The following SAMD9 variants were observed in gnomAD, a reference collection of about 807,000 sequenced individuals.
SAMD9 encodes sterile alpha motif domain containing 9.
SAMD9 carries 3 observed loss-of-function variants against 1.5 expected under a neutral mutation model. The observed-to-expected ratio is 2.05, with a 90% CI of 0.93 to 5.29. The LOEUF is 5.29. Among genes scored for constraint, SAMD9 ranks in the 30% most tolerant of loss-of-function variants. SAMD9 has a pLI of 0.02. For missense variants in SAMD9, 1,597 were observed against 1,820.8 expected (o/e 0.88, Z 2.24); for synonymous variants, 635 against 631.9 (o/e 1.00, Z -0.07).
In SAMD9 at chr7:93,103,292, A is replaced by G; in HGVS notation, c.2806T>C (p.Ser936Pro). The change falls in exon 3 of 3, where the codon TCA becomes CCA. Residue 936 changes from serine to proline, a missense_variant. Transcript: ENST00000379958. ...ATTCCTAAGAATTTTTCACACTGTG[A>G]TAGTGAAATGGTGGTATCAGGCACA... ...SYVPDTTISL[S>P]QCEKFLGIGN... 3 of 1,613,682 alleles carry G rather than the reference A, an allele frequency of 1.9e-6. No homozygotes were observed. Among genetic ancestry groups the G allele is most frequent in the African/African-American group, 1.3e-5 (1 of 75,022 alleles).
At chr7:93,110,791 C>G (rs557065956) in intron 2 of SAMD9, among the ~76,000 whole-genome samples, 3 of 152,246 alleles carry the variant, frequency 2.0e-5, no homozygotes, top group South Asian at 2.1e-4. Flanking sequence ...TACAGGAGCA[C>G]CCAGATTCAT....
Position 93,116,302 on chromosome 7 carries a change from G to A in SAMD9, c.-109-1407C>T, listed in dbSNP as rs545029708. On this transcript the variant is annotated intron_variant, in intron 1 of 2. Transcript: ENST00000379958. ...ACTACATACCATTATATGTGAAAAC[G>A]TAAAGTCAGGTTCTCATATAAGAGT... is the stretch of plus-strand genomic sequence containing the variant. Among the ~76,000 whole-genome samples the A allele has an allele frequency of 2.6e-5, 4 of 152,304 alleles. No individual in the cohort carries two copies. The South Asian group carries it at 8.3e-4, about 32-fold the overall frequency.
chr7:93,113,771 T>C (rs1791787061), intron 2 of SAMD9, among the ~76,000 whole-genome samples: 3 of 151,952 alleles, frequency 2.0e-5, no homozygotes, highest in Non-Finnish European at 4.4e-5. Context: ...CCAGTTAGAA[T>C]GGGGGATCAT....
rs189893807 is a variant in SAMD9, at chr7:93,105,726, A to C, written c.372T>G (p.Asn124Lys). The change falls in exon 3 of 3, where the codon AAT (asparagine) becomes AAG (lysine). Residue 124 changes from asparagine to lysine, a missense_variant. Physicochemically the swap from Asn to Lys is moderately conservative, Grantham distance 94. Transcript: ENST00000379958. ...QKGKENPDMA[N>K]PSAMSTTAKG... ...TAGCAGTTGTACTCATTGCAGACGG[A>C]TTAGCCATATCTGGGTTCTCTTTAC... 1 of 1,613,994 alleles carries C rather than the reference A, an allele frequency of 6.2e-7. No homozygotes were observed. Among genetic ancestry groups the C allele is most frequent in the Non-Finnish European group, 8.5e-7 (1 of 1,179,988 alleles).
At chr7:93,116,634 C>T (rs1415795198) in intron 1 of SAMD9, among the ~76,000 whole-genome samples, 4 of 152,244 alleles carry the variant, frequency 2.6e-5, no homozygotes, top group Middle Eastern at 6.8e-3. Context: ...TATACCCTCT[C>T]GTTCCAAAAT....
In SAMD9 at chr7:93,103,703, C is replaced by G; in HGVS notation, c.2395G>C (p.Asp799His). 6.2e-7 allele frequency: 1 copy of G among 1,613,816 alleles called. No homozygotes were observed. ...QEYVPVLLLV[D>H]DFEEQDNVYL... Reference sequence around the variant, plus strand: ...ACATTATCTTGTTCTTCAAAATCATCAACAAGGAGTAGTACAGGTACGTAT... The same window carrying G: ...ACATTATCTTGTTCTTCAAAATCATGAACAAGGAGTAGTACAGGTACGTAT... The change falls in exon 3 of 3, where the codon GAT becomes CAT. Residue 799 changes from aspartate to histidine, a missense_variant. This residue lies in a region of SAMD9 where 358 missense variants were observed against 460.4 expected (regional missense o/e 0.78). Coordinates refer to ENST00000379958, the MANE Select transcript of SAMD9 (RefSeq NM_017654.4).
In SAMD9 at chr7:93,113,059, C is replaced by A. The variant is rs1439190367; in HGVS notation, c.-9+1736G>T. On this transcript the variant is annotated intron_variant, in intron 2 of 2. Transcript: ENST00000379958. Reference sequence around the variant, plus strand: ...TGCTACCTGATTTCAAACTATACTACAAGGCTACAGTAACCAAAACAGCAT... The same window carrying A: ...TGCTACCTGATTTCAAACTATACTAAAAGGCTACAGTAACCAAAACAGCAT... Among the ~76,000 whole-genome samples, 3 of 152,274 alleles carry A rather than the reference C, an allele frequency of 2.0e-5. No homozygotes were observed. The East Asian group carries it at 5.8e-4, about 29-fold the overall frequency.
intron 2 of SAMD9, among the ~76,000 whole-genome samples, chr7:93,113,127 C>T (rs553549796): frequency 6.6e-6 from 1 of 152,096 alleles, no homozygotes; most frequent in Non-Finnish European, 1.5e-5. Flanking sequence ...TGGAACAGAA[C>T]AGAGTCCTCA....
At position 93,102,697 on chromosome 7, in the gene SAMD9, C is replaced by T. The variant is rs1360621625; in HGVS notation, c.3401G>A (p.Trp1134Ter). ...GQVYKSKIRW[W>*]IEENGGNGNI... is the part of the protein sequence containing the mutation. ...CCCGTTTCCTCCGTTTTCCTCTATC[C>T]ACCATCTTATTTTACTTTTGTAGAC... The change falls in exon 3 of 3, where the codon TGG becomes TAG. Residue 1134 changes from tryptophan to a stop codon, truncating the protein, a stop_gained. Coordinates refer to ENST00000379958, the MANE Select transcript of SAMD9 (RefSeq NM_017654.4). LOFTEE classifies it low-confidence loss of function (END_TRUNC). 1.9e-6 allele frequency: 3 copies of T among 1,613,740 alleles called. No individual in the cohort carries two copies. Among genetic ancestry groups the T allele is most frequent in the African/African-American group, 2.7e-5 (2 of 74,916 alleles).
At chr7:93,110,205 C>T (rs1052620750) in intron 2 of SAMD9, among the ~76,000 whole-genome samples, 1 of 152,126 alleles carries the variant, frequency 6.6e-6, no homozygotes, top group Non-Finnish European at 1.5e-5. Flanking sequence ...TCCAGCCAAA[C>T]TAAGCTTCAT....
chr7:93,103,409 T>C lies in SAMD9; in HGVS notation c.2689A>G (p.Ile897Val), dbSNP rs1417279425. 4 of 1,613,360 alleles carry C rather than the reference T, an allele frequency of 2.5e-6. No homozygotes were observed. Among genetic ancestry groups the C allele is most frequent in the Non-Finnish European group, 3.4e-6 (4 of 1,179,498 alleles). ...AGGATATTCCGGACCACATTTTCTA[T>C]GTATTCTTTATTAAAATTGGTTTTC... ...IMKTNFNKEY[I>V]ENVVRNILKG... Residue 897 changes from isoleucine (I) to valine (V), a missense_variant, in exon 3 of 3, where the codon ATA becomes GTA. This residue lies in a region of SAMD9 where 682 missense variants were observed against 810.0 expected (regional missense o/e 0.84). Coordinates refer to ENST00000379958, the MANE Select transcript of SAMD9 (RefSeq NM_017654.4).
rs184821046 is a variant in SAMD9, at chr7:93,101,305, C to T, written c.*23G>A. On this transcript the variant is annotated 3_prime_UTR_variant, in exon 3 of 3. Transcript: ENST00000379958. ...ATTAAATGGGTACTGAGATCAAATT[C>T]TTGGAGGAAGAATATCAGGCTCTTA... 1.4e-5 allele frequency: 23 copies of T among 1,596,570 alleles called. No homozygotes were observed. Among genetic ancestry groups the T allele is most frequent in the African/African-American group, 1.3e-4 (10 of 74,790 alleles).
chr7:93,111,020 A>G lies in SAMD9; in HGVS notation c.-9+3775T>C, dbSNP rs189896102. 4.6e-5 allele frequency among the ~76,000 whole-genome samples: 7 copies of G among 152,352 alleles called. No homozygotes were observed. In the South Asian group the frequency reaches 6.2e-4, roughly 14 times the overall value. ...GAATATACATTCTTCTCAGCACCACATCGCACTTATTTCAAAATTGACCAC... is the reference window on the plus strand; with the variant it reads ...GAATATACATTCTTCTCAGCACCACGTCGCACTTATTTCAAAATTGACCAC... On this transcript the variant is annotated intron_variant, in intron 2 of 2. Transcript: ENST00000379958.
At chr7:93,108,730 C>A (rs1040615815) in intron 2 of SAMD9, among the ~76,000 whole-genome samples, 3 of 152,178 alleles carry the variant, frequency 2.0e-5, no homozygotes, top group Non-Finnish European at 4.4e-5. Context: ...GATTGAACTG[C>A]AAGGCGGCAG....
At position 93,104,137 on chromosome 7, in the gene SAMD9, A is replaced by T. The variant is rs1313564165; in HGVS notation, c.1961T>A (p.Ile654Asn). Residue 654 changes from isoleucine to asparagine, a missense_variant, in exon 3 of 3, where the codon ATT becomes AAT. Physicochemically the swap from Ile to Asn is moderately radical, Grantham distance 149. This residue lies in a region of SAMD9 where 358 missense variants were observed against 460.4 expected (regional missense o/e 0.78). Coordinates refer to ENST00000379958, the MANE Select transcript of SAMD9 (RefSeq NM_017654.4). The part of the protein sequence containing the change: ...KEEDIMTALE[I>N]ICENECEGTL... ...ACCCTCACATTCATTTTCACAGATA[A>T]TTTCCAGAGCAGTCATGATATCTTC... 1.2e-6 allele frequency: 2 copies of T among 1,613,918 alleles called. No homozygotes were observed. Among genetic ancestry groups the T allele is most frequent in the Admixed American group, 3.3e-5 (2 of 60,014 alleles).
rs1384464613 is a variant in SAMD9 at position 93,101,536 on chromosome 7, T to C, written c.4562A>G (p.Glu1521Gly). The change falls in exon 3 of 3, where the codon GAA (glutamate) becomes GGA (glycine). Residue 1521 changes from glutamate to glycine, a missense_variant. This residue lies in a region of SAMD9 where 682 missense variants were observed against 810.0 expected (regional missense o/e 0.84). Transcript: ENST00000379958. ...LWQSGDVWKE[E>G]KVQELLLRLQ... The stretch of plus-strand genomic sequence containing the variant: ...ACGAAGCAAAAGTTCTTGGACTTTT[T>C]CCTCCTTCCACACATCTCCACTCTG... 6.2e-7 allele frequency: 1 copy of C among 1,613,672 alleles called. No individual in the cohort carries two copies. Among genetic ancestry groups the C allele is most frequent in the African/African-American group, 1.3e-5 (1 of 74,926 alleles).
At position 93,101,477 on chromosome 7, in the gene SAMD9, T is replaced by C. The variant is rs769695602; in HGVS notation, c.4621A>G (p.Ile1541Val). The C allele has an allele frequency of 6.2e-6, 10 of 1,613,656 alleles. No individual in the cohort carries two copies. The East Asian group carries it at 2.0e-4, about 32-fold the overall frequency. Reference sequence around the variant, plus strand: ...ATTTTTTCATTGATTCCATATTCTATATATAAACAATTGTTTTCAGCTCGA... The same window carrying C: ...ATTTTTTCATTGATTCCATATTCTACATATAAACAATTGTTTTCAGCTCGA... ...QGRAENNCLY[I>V]EYGINEKITI... The change falls in exon 3 of 3, where the codon ATA (isoleucine) becomes GTA (valine). Residue 1541 changes from isoleucine to valine, a missense_variant. Transcript: ENST00000379958.
chr7:93,114,513 G>A (rs1584260545), intron 2 of SAMD9, among the ~76,000 whole-genome samples: 1 of 151,878 alleles, frequency 6.6e-6, no homozygotes, highest in Non-Finnish European at 1.5e-5. Context: ...ATTGAAAGAA[G>A]AATAACAGAA....
At position 93,103,879 on chromosome 7, in the gene SAMD9, C is replaced by A; in HGVS notation, c.2219G>T (p.Gly740Val). ...TKIIHLYHHP[G>V]CGGTTLAMHI... ...CATAGCCAAGGTAGTTCCCCCACAG[C>A]CTGGATGATGATACAGATGAATAAT... The change falls in exon 3 of 3, where the codon GGC becomes GTC. Residue 740 changes from glycine (G) to valine (V), a missense_variant. Gly to Val is a moderately radical substitution (Grantham distance 109, BLOSUM62 -3). This residue lies in a region of SAMD9 where 358 missense variants were observed against 460.4 expected (regional missense o/e 0.78). Transcript: ENST00000379958. 3 of 1,613,948 alleles carry A rather than the reference C, an allele frequency of 1.9e-6. No individual in the cohort carries two copies. Among genetic ancestry groups the A allele is most frequent in the Non-Finnish European group, 1.7e-6 (2 of 1,179,860 alleles).
Sources: allele counts gnomAD v4.1 joint callset (sites outside exome capture counted in the v4.1 genomes callset), GRCh38; gene constraint gnomAD v4.1.1; regional missense constraint gnomAD v4.1.1; transcripts MANE v1.5; gene names NCBI Gene and HGNC (gene_info 2026-07-23, HGNC 2026-07-21).